PRKCA: variants seen among roughly 807,000 people sequenced by gnomAD.
The protein encoded by PRKCA is protein kinase C alpha type.
A neutral mutation model predicts 87.0 loss-of-function variants in PRKCA; 27 were observed. The ratio of observed to expected loss-of-function variants is 0.31; its 90% CI spans 0.23 to 0.43. The LOEUF is 0.43. Among genes scored for constraint, PRKCA ranks in the 20% least tolerant of loss-of-function variants. The pLI, the probability that PRKCA is intolerant of heterozygous loss-of-function variation, is 1.00. For missense variants in PRKCA, 518 were observed against 852.3 expected (o/e 0.61, Z 4.88); for synonymous variants, 329 against 311.1 (o/e 1.06, Z -0.61).
At chr17:66,461,442 G>A (rs1318565114) in intron 2 of PRKCA, among the ~76,000 whole-genome samples, 1 of 152,076 alleles carries the variant, frequency 6.6e-6, no homozygotes, top group East Asian at 1.9e-4. Flanking sequence ...ATAGTGGAGT[G>A]CCCGTGTCAC....
chr17:66,511,545 G>T (rs1257101477), intron 3 of PRKCA, among the ~76,000 whole-genome samples: 1 of 152,118 alleles, frequency 6.6e-6, no homozygotes, highest in African/African-American at 2.4e-5. Flanking sequence ...AAACTAGACG[G>T]GGAAGAAAAA....
Position 66,803,953 on chromosome 17 carries a change from T to C in PRKCA, c.1935T>C (p.Ile645=), listed in dbSNP as rs1975962911. 1 of 1,613,956 alleles carries C rather than the reference T, an allele frequency of 6.2e-7. No individual in the cohort carries two copies. The highest frequency in any genetic ancestry group is 8.5e-7 in the Non-Finnish European group (1 of 1,179,996). ...PVLTPPDQLV[I]ANIDQSDFEG... ...TAACACCACCTGATCAGCTGGTTAT[T>C]GCTAACATAGACCAGTCTGATTTTG... Residue 645 remains isoleucine, a synonymous_variant, in exon 17 of 17, where the codon ATT becomes ATC. Coordinates refer to ENST00000413366, the MANE Select transcript of PRKCA (RefSeq NM_002737.3). The surrounding 1 kb of genome is among the most constrained non-coding windows in gnomAD (Gnocchi z 4.4).
intron 2 of PRKCA, among the ~76,000 whole-genome samples, chr17:66,382,245 A>T (rs762933458): frequency 6.6e-6 from 1 of 152,174 alleles, no homozygotes; most frequent in Non-Finnish European, 1.5e-5. Flanking sequence ...GGGGCAATGC[A>T]CTGAAGAGAA....
intron 3 of PRKCA, among the ~76,000 whole-genome samples, chr17:66,501,756 TTC>T (rs1916742134): frequency 6.6e-6 from 1 of 152,218 alleles, no homozygotes; most frequent in Non-Finnish European, 1.5e-5. Context: ...TAGAAATGGC[TTC>T]TCCCCCTTCT....
At chr17:66,376,336 G>C (rs1408907394) in intron 2 of PRKCA, among the ~76,000 whole-genome samples, 1 of 152,148 alleles carries the variant, frequency 6.6e-6, no homozygotes, top group African/African-American at 2.4e-5. Flanking sequence ...GGCCTGGCGC[G>C]GTGGCTCACG....
intron 3 of PRKCA, among the ~76,000 whole-genome samples, chr17:66,613,699 TTG>T (rs1003559430): frequency 3.9e-5 from 6 of 151,920 alleles, no homozygotes; most frequent in African/African-American, 1.5e-4. Context: ...CTGTGTATCT[TTG>T]TGTGTGTGTC....
intron 13 of PRKCA, among the ~76,000 whole-genome samples, chr17:66,749,371 G>A (rs1974380058): frequency 6.6e-6 from 1 of 150,966 alleles, no homozygotes; most frequent in South Asian, 2.1e-4. Context: ...TCCATCCTCA[G>A]GCCAGTTCCT....
At chr17:66,548,523 A>C (rs1178281790) in intron 3 of PRKCA, among the ~76,000 whole-genome samples, 2 of 152,162 alleles carry the variant, frequency 1.3e-5, no homozygotes. Context: ...TTTCTCACTT[A>C]ATCTTTACAA....
chr17:66,377,907 C>T (rs1007331475), intron 2 of PRKCA, among the ~76,000 whole-genome samples: 2 of 151,528 alleles, frequency 1.3e-5, no homozygotes, highest in Non-Finnish European at 2.9e-5. Flanking sequence ...GCATGAGCCC[C>T]TATCCCTGGC....
At chr17:66,625,378 G>A (rs1279324027) in intron 3 of PRKCA, among the ~76,000 whole-genome samples, 1 of 152,096 alleles carries the variant, frequency 6.6e-6, no homozygotes, top group East Asian at 1.9e-4. Context: ...ATGACAACAG[G>A]GTTCCTCTCT....
rs372959092 is a variant in PRKCA at position 66,652,536 on chromosome 17, C to CA, written c.529+7032dup. Among the ~76,000 whole-genome samples, 33 of 151,806 alleles carry CA rather than the reference C, an allele frequency of 2.2e-4. 1 individual carries two copies. In the South Asian group the frequency reaches 5.0e-3, roughly 23 times the overall value. On this transcript the variant is annotated intron_variant, in intron 5 of 16. Transcript: ENST00000413366. ...CTACTTCCAAATGGTTCAACAAAAGCAAAAAAACAGACAGAAATCTGAAAA... is the reference window on the plus strand; with the variant it reads ...CTACTTCCAAATGGTTCAACAAAAGCAAAAAAAACAGACAGAAATCTGAAAA...
intron 2 of PRKCA, among the ~76,000 whole-genome samples, chr17:66,363,536 G>A (rs1313782744): frequency 2.6e-5 from 4 of 152,180 alleles, no homozygotes; most frequent in African/African-American, 9.7e-5. Flanking sequence ...CTATCATTTA[G>A]TGAATTCATA....
At chr17:66,761,997 C>A (rs889608709) in intron 13 of PRKCA, among the ~76,000 whole-genome samples, 3 of 152,082 alleles carry the variant, frequency 2.0e-5, no homozygotes, top group Admixed American at 6.6e-5. Context: ...AGTTTTGCTG[C>A]TCCAGTAAAA....
At chr17:66,716,931 AT>A (rs1973491585) in intron 8 of PRKCA, among the ~76,000 whole-genome samples, 1 of 152,218 alleles carries the variant, frequency 6.6e-6, no homozygotes. Context: ...AAACGATTGA[AT>A]GTGTTGCCCT....
At chr17:66,411,103 G>T (rs1598649656) in intron 2 of PRKCA, among the ~76,000 whole-genome samples, 1 of 152,104 alleles carries the variant, frequency 6.6e-6, no homozygotes, top group East Asian at 1.9e-4. Context: ...ACAGGGTCTT[G>T]CCCTGTCGCC....
chr17:66,633,735 A>G (rs1394105189), intron 3 of PRKCA, among the ~76,000 whole-genome samples: 1 of 152,212 alleles, frequency 6.6e-6, no homozygotes, highest in African/African-American at 2.4e-5. Flanking sequence ...AAACCCTGCC[A>G]TTATTTTACT....
At chr17:66,391,240 C>T (rs1910341590) in intron 2 of PRKCA, among the ~76,000 whole-genome samples, 2 of 152,222 alleles carry the variant, frequency 1.3e-5, no homozygotes, top group African/African-American at 4.8e-5. Context: ...ACAGATTCAG[C>T]CGGGTGCTTC....
chr17:66,793,889 A>G (rs1016955123), intron 16 of PRKCA, among the ~76,000 whole-genome samples: 1 of 152,218 alleles, frequency 6.6e-6, no homozygotes, highest in Non-Finnish European at 1.5e-5. Context: ...TGAATTTTGT[A>G]GCTTTTTATT....
chr17:66,666,927 G>C (rs1972059798), intron 5 of PRKCA, among the ~76,000 whole-genome samples: 1 of 152,054 alleles, frequency 6.6e-6, no homozygotes, highest in African/African-American at 2.4e-5. Context: ...GTAGACTTTG[G>C]TGATACCATG....
Sources: allele counts gnomAD v4.1 joint callset (sites outside exome capture counted in the v4.1 genomes callset), GRCh38; gene constraint gnomAD v4.1.1; non-coding constraint Gnocchi (gnomAD v3.1); transcripts MANE v1.5; gene names NCBI Gene and HGNC (gene_info 2026-07-23, HGNC 2026-07-21).